KLC1: variants seen among roughly 807,000 people sequenced by gnomAD.
The protein encoded by KLC1 is kinesin 2 60/70kDa.
A neutral mutation model predicts 84.2 loss-of-function variants in KLC1; 30 were observed. The ratio of observed to expected loss-of-function variants is 0.36; its 90% CI spans 0.27 to 0.48. The LOEUF is 0.48. KLC1 is among the 20% of genes least tolerant of loss of function. The probability of loss-of-function intolerance (pLI) is 0.99; values close to 1 mark genes in which losing one functional copy is unlikely to be tolerated. For synonymous variants in KLC1, 289 were observed against 293.3 expected (o/e 0.99, Z 0.15); for missense variants, 499 against 805.4 (o/e 0.62, Z 4.60).
rs536755615 is a variant in KLC1, at chr14:103,692,628, C to T, written c.1848+203C>T. On this transcript the variant is annotated intron_variant, in intron 15 of 16. Coordinates refer to ENST00000334553, the MANE Select transcript of KLC1 (RefSeq NM_001394837.1). The stretch of plus-strand genomic sequence containing the variant: ...TGATTATGTGAATTATGGGCATGTT[C>T]ACACTGTGAACATTCTCAGAATATT... Among the ~76,000 whole-genome samples, 147 of 152,256 alleles carry T rather than the reference C, an allele frequency of 9.7e-4. 1 individual carries two copies. The highest frequency in any genetic ancestry group is 3.5e-3 in the African/African-American group (145 of 41,532).
chr14:103,693,726 T>A lies in KLC1; in HGVS notation c.1848+1301T>A. On this transcript the variant is annotated intron_variant, in intron 15 of 16. Coordinates refer to ENST00000334553, the MANE Select transcript of KLC1 (RefSeq NM_001394837.1). The surrounding 1 kb of genome is among the most constrained non-coding windows in gnomAD (Gnocchi z 5.1). ...GCCAGCCGCACTCCTTGGCTTCCTT[T>A]CCTAGATAGTGACGTCCACCAACCT... 1 of 1,474,928 alleles carries A rather than the reference T, an allele frequency of 6.8e-7. No individual in the cohort carries two copies. Among genetic ancestry groups the A allele is most frequent in the Non-Finnish European group, 9.0e-7 (1 of 1,116,842 alleles). 91.4% of individuals were successfully genotyped at this position (1,474,928 alleles called of 1,614,324 possible). A position where few individuals can be genotyped will look rare whatever the true frequency, so the allele number is the denominator to read the frequency against.
intron 1 of KLC1, among the ~76,000 whole-genome samples, chr14:103,651,157 G>A (rs934318493): frequency 6.6e-6 from 1 of 151,546 alleles, no homozygotes; most frequent in Non-Finnish European, 1.5e-5. Context: ...TTACAGGTGT[G>A]CACCACCACG....
chr14:103,649,062 G>A (rs1027064606), intron 1 of KLC1, among the ~76,000 whole-genome samples: 4 of 151,812 alleles, frequency 2.6e-5, no homozygotes, highest in East Asian at 1.9e-4. Context: ...GCTTGAGCCC[G>A]GGATGCGGAA....
chr14:103,697,094 A>T, intron 15 of KLC1: 1 of 985,480 alleles, frequency 1.0e-6, no homozygotes, highest in Non-Finnish European at 1.2e-6. Context: ...TTGCCTAGAA[A>T]AGCATTTGGA....
intron 15 of KLC1, among the ~76,000 whole-genome samples, chr14:103,697,418 A>AT (rs1034245507): frequency 2.0e-5 from 3 of 152,142 alleles, no homozygotes; most frequent in Admixed American, 2.0e-4. Flanking sequence ...CCCTGGGCAC[A>AT]TAAGGTGGGG....
intron 3 of KLC1, among the ~76,000 whole-genome samples, chr14:103,658,821 C>T (rs182191251): frequency 3.3e-5 from 5 of 151,210 alleles, no homozygotes; most frequent in Admixed American, 1.3e-4. Flanking sequence ...CCACGCCTGG[C>T]CAATTTTTTG....
chr14:103,697,042 C>T, intron 15 of KLC1: 3 of 985,416 alleles, frequency 3.0e-6, no homozygotes, highest in Non-Finnish European at 3.6e-6. Flanking sequence ...TTAAATGTAC[C>T]TCTGTCTTTA....
At position 103,687,222 on chromosome 14, in the gene KLC1, C is replaced by G; in HGVS notation, c.1781+11C>G. 5 of 1,536,232 alleles carry G rather than the reference C, an allele frequency of 3.3e-6. No individual in the cohort carries two copies. The highest frequency in any genetic ancestry group is 4.4e-6 in the Non-Finnish European group (5 of 1,137,114). Reference sequence around the variant, plus strand: ...GCCAAAGAACCCCGGGTAACTATCTCTTCCAGCTCTCCCGACTCCCTGCAC... The same window carrying G: ...GCCAAAGAACCCCGGGTAACTATCTGTTCCAGCTCTCCCGACTCCCTGCAC... On this transcript the variant is annotated intron_variant, in intron 14 of 16. Transcript: ENST00000334553.
intron 11 of KLC1, 72 bp from the exon 12 acceptor site, chr14:103,677,343 A>G: frequency 1.1e-6 from 1 of 870,580 alleles, no homozygotes; most frequent in Non-Finnish European, 1.9e-6. Flanking sequence ...AGTTCTTTAG[A>G]TTATGTGCTG....
At chr14:103,701,004 G>A (rs183670233) in intron 16 of KLC1, among the ~76,000 whole-genome samples, 197 bp from the exon 17 acceptor site, 49 of 152,224 alleles carry the variant, frequency 3.2e-4, no homozygotes, top group Non-Finnish European at 5.1e-4. Context: ...CAGGCCTTTG[G>A]TGCTCCAGGG....
At chr14:103,699,622 C>A (rs1451276389) in intron 15 of KLC1, 1 of 1,595,500 alleles carries the variant, frequency 6.3e-7, no homozygotes. Flanking sequence ...CAAGTCCCCG[C>A]CCCAGGTGAC....
At chr14:103,647,790 C>T (rs927312011) in intron 1 of KLC1, among the ~76,000 whole-genome samples, 23 of 150,400 alleles carry the variant, frequency 1.5e-4, no homozygotes, top group African/African-American at 4.6e-4. Context: ...GCAGGAGAAT[C>T]GCTTGAACCT....
At chr14:103,635,825 A>AG (rs1219995841) in intron 1 of KLC1, among the ~76,000 whole-genome samples, 1 of 152,034 alleles carries the variant, frequency 6.6e-6, no homozygotes, top group Non-Finnish European at 1.5e-5. Context: ...AGGGTGAGAG[A>AG]GGGGAAGTTT....
intron 1 of KLC1, among the ~76,000 whole-genome samples, chr14:103,636,889 A>AT (rs533299003): frequency 0.034 from 4,842 of 144,130 alleles, 225 homozygotes; most frequent in African/African-American, 0.11. Context: ...CGCCCAGCTA[A>AT]TTTTTTTTTT....
intron 15 of KLC1, chr14:103,696,845 C>T (rs997204554): frequency 2.9e-5 from 29 of 983,448 alleles, no homozygotes; most frequent in African/African-American, 3.5e-5. Context: ...GAACTGTGCT[C>T]CCCAGGGCGT....
intron 1 of KLC1, among the ~76,000 whole-genome samples, chr14:103,634,949 C>T (rs2076944136): frequency 6.6e-6 from 1 of 152,166 alleles, no homozygotes. Flanking sequence ...TTCATTCGTT[C>T]TCCCAAGGCA....
chr14:103,678,164 G>C (rs1221737685), intron 12 of KLC1, among the ~76,000 whole-genome samples: 2 of 152,228 alleles, frequency 1.3e-5, no homozygotes, highest in Non-Finnish European at 2.9e-5. Flanking sequence ...TGGGGAGGCT[G>C]AGGCAGGAGA....
intron 5 of KLC1, among the ~76,000 whole-genome samples, chr14:103,665,774 G>A (rs1275234931): frequency 6.6e-6 from 1 of 152,124 alleles, no homozygotes; most frequent in Admixed American, 6.6e-5. Flanking sequence ...CCTAAGACGG[G>A]TTAGAGTATA....
Position 103,693,206 on chromosome 14 carries a change from C to T in KLC1, c.1848+781C>T, listed in dbSNP as rs1260514948. Among the ~76,000 whole-genome samples the T allele has an allele frequency of 1.3e-5, 2 of 151,954 alleles. No individual in the cohort carries two copies. The highest frequency in any genetic ancestry group is 2.4e-5 in the African/African-American group (1 of 41,380). ...AATCCTCACAGACAGGCCAGTGCCC[C>T]GACCTGTCCCCCAACACTCTTGGGA... On this transcript the variant is annotated intron_variant, in intron 15 of 16. Transcript: ENST00000334553. This position sits in a 1 kb window ranked among gnomAD's most constrained non-coding sequence, Gnocchi z 5.1.
Sources: allele counts gnomAD v4.1 joint callset (sites outside exome capture counted in the v4.1 genomes callset), GRCh38; gene constraint gnomAD v4.1.1; non-coding constraint Gnocchi (gnomAD v3.1); transcripts MANE v1.5; gene names NCBI Gene and HGNC (gene_info 2026-07-23, HGNC 2026-07-21).